The following PSMD3 variants were observed in gnomAD, a reference collection of about 807,000 sequenced individuals.
PSMD3 encodes the protein 26S proteasome non-ATPase regulatory subunit 3.
Under a neutral mutation model 62.8 loss-of-function variants are expected in PSMD3, and 5 were observed. The ratio of observed to expected loss-of-function variants is 0.08; its 90% CI spans 0.04 to 0.17. The LOEUF (loss-of-function observed/expected upper bound fraction) is 0.17. Ranked by LOEUF, PSMD3 falls within the 10% of genes least tolerant of loss-of-function variation. PSMD3 has a pLI of 1.00. For missense variants in PSMD3, 524 were observed against 713.6 expected, an observed-to-expected ratio of 0.73 and a Z score of 3.03; for synonymous variants, 265 against 283.9, an observed-to-expected ratio of 0.93 and a Z score of 0.67.
intron 6 of PSMD3, among the ~76,000 whole-genome samples, chr17:39,991,760 G>T (rs1472046666): frequency 6.6e-6 from 1 of 152,126 alleles, no homozygotes; most frequent in African/African-American, 2.4e-5. Context: ...GAAAAAGTTG[G>T]CTAGGTACAG....
At chr17:39,997,416 C>T in intron 11 of PSMD3, 36 bp downstream of exon 11, 2 of 1,612,908 alleles carry the variant, frequency 1.2e-6, no homozygotes, top group South Asian at 1.1e-5. Flanking sequence ...ACCGAAAGGT[C>T]AAACTTCCAC....
At chr17:39,990,247 TA>T (rs1555658992) in intron 6 of PSMD3, 50 bp downstream of exon 6, 22 of 1,356,394 alleles carry the variant, frequency 1.6e-5, no homozygotes, top group South Asian at 2.5e-5. Context: ...TTTTTTTTTT[TA>T]AATGGTGTCT....
At position 39,997,354 on chromosome 17, in the gene PSMD3, TACA is replaced by T. The variant is rs764279526; in HGVS notation, c.1506_1508del (p.Asn502del). On this transcript the variant is annotated inframe_deletion, in exon 11 of 12. Coordinates refer to ENST00000264639, the MANE Select transcript of PSMD3 (RefSeq NM_002809.4). ...GGCCATGAGGTTTCCTCCCAAATCG[TACA>T]ACAAGGACTTGGAGTCTGCAGAGGT... The T allele has an allele frequency of 3.7e-6, 6 of 1,614,162 alleles. No homozygotes were observed. The highest frequency in any genetic ancestry group is 2.2e-5 in the East Asian group (1 of 44,876).
chr17:39,996,132 A>T lies in PSMD3; in HGVS notation c.1321-51A>T, dbSNP rs765438789. 2 of 1,605,840 alleles carry T rather than the reference A, an allele frequency of 1.2e-6. No individual in the cohort carries two copies. The highest frequency in any genetic ancestry group is 4.5e-5 in the East Asian group (2 of 44,810). On this transcript the variant is annotated intron_variant, in intron 9 of 11. Coordinates refer to ENST00000264639, the MANE Select transcript of PSMD3 (RefSeq NM_002809.4). This position sits in a 1 kb window ranked among gnomAD's most constrained non-coding sequence, Gnocchi z 5.1. Reference sequence around the variant, plus strand: ...CGAGACTCCATCTCAAAAAAAAAAAAAAAGAAGAAGCTGGGTGTGCTGGTG... The same window carrying T: ...CGAGACTCCATCTCAAAAAAAAAAATAAAGAAGAAGCTGGGTGTGCTGGTG...
At chr17:39,984,516 G>A in intron 2 of PSMD3, 32 bp downstream of exon 2, 1 of 1,553,556 alleles carries the variant, frequency 6.4e-7, no homozygotes, top group Non-Finnish European at 8.8e-7. Flanking sequence ...AAAGGGTGCA[G>A]GCCTGGCCTC....
chr17:39,997,630 C>T lies in PSMD3; in HGVS notation c.*49C>T, dbSNP rs926178682. ...GGGGAATGGGGACAGGCTCTTTCCC[C>T]CTTGGGGGTCCCCTGCCCAGGGCAC... On this transcript the variant is annotated 3_prime_UTR_variant, in exon 12 of 12. Coordinates refer to ENST00000264639, the MANE Select transcript of PSMD3 (RefSeq NM_002809.4). 16 of 1,583,858 alleles carry T rather than the reference C, an allele frequency of 1.0e-5. No individual in the cohort carries two copies. The highest frequency in any genetic ancestry group is 1.3e-5 in the African/African-American group (1 of 74,204).
intron 1 of PSMD3, 139 bp from the exon 2 acceptor site, chr17:39,984,155 A>G (rs895791320): frequency 6.7e-5 from 48 of 712,650 alleles, no homozygotes; most frequent in South Asian, 3.7e-4. Flanking sequence ...AGCCGAGATC[A>G]CACCACTGCA....
At position 39,995,116 on chromosome 17, in the gene PSMD3, G is replaced by A. The variant is rs1980751304; in HGVS notation, c.1096+48G>A. On this transcript the variant is annotated intron_variant, in intron 7 of 11. Coordinates refer to ENST00000264639, the MANE Select transcript of PSMD3 (RefSeq NM_002809.4). This position sits in a 1 kb window ranked among gnomAD's most constrained non-coding sequence, Gnocchi z 4.1. ...AGAGCCCACTAGGCCCCCTTCAGTG[G>A]GGCCTCTTACATGCCTGTGCCTATT... 2 of 1,613,710 alleles carry A rather than the reference G, an allele frequency of 1.2e-6. No individual in the cohort carries two copies. The highest frequency in any genetic ancestry group is 8.5e-7 in the Non-Finnish European group (1 of 1,179,902).
rs1384479551 is a variant in PSMD3 at position 39,996,347 on chromosome 17, C to G, written c.1476+9C>G. The G allele has an allele frequency of 6.2e-7, 1 of 1,612,716 alleles. No homozygotes were observed. The highest frequency in any genetic ancestry group is 1.7e-5 in the Admixed American group (1 of 59,904). ...ACAACATGTCTGTCAAGGTGAGAAG[C>G]CCGTGGCTGCAGAGTCACGCCTGGC... On this transcript the variant is annotated intron_variant, in intron 10 of 11. Transcript: ENST00000264639. The surrounding 1 kb of genome is among the most constrained non-coding windows in gnomAD (Gnocchi z 5.1).
At chr17:39,981,847 AC>A (rs1337603809) in intron 1 of PSMD3, among the ~76,000 whole-genome samples, 1 of 37,338 alleles carries the variant, frequency 2.7e-5, no homozygotes, top group African/African-American at 1.7e-4. Context: ...GTAATACTCA[AC>A]CTTTGGCCTA....
intron 1 of PSMD3, among the ~76,000 whole-genome samples, chr17:39,983,279 T>C (rs1980431768): frequency 6.6e-6 from 1 of 152,118 alleles, no homozygotes; most frequent in South Asian, 2.1e-4. Context: ...TGATCCGCCC[T>C]CCTCAGCCTC....
intron 4 of PSMD3, 121 bp downstream of exon 4, chr17:39,988,940 C>T: frequency 1.5e-6 from 2 of 1,340,330 alleles, no homozygotes; most frequent in Non-Finnish European, 2.1e-6. Flanking sequence ...GGAAGAGGGG[C>T]AGTGGTTCCC....
chr17:39,991,401 C>T (rs1980652337), intron 6 of PSMD3, among the ~76,000 whole-genome samples: 1 of 152,184 alleles, frequency 6.6e-6, no homozygotes, highest in South Asian at 2.1e-4. Flanking sequence ...AGTGATCCAC[C>T]CACCTCAGCC....
chr17:39,986,164 T>A (rs892174068), intron 2 of PSMD3, among the ~76,000 whole-genome samples: 2 of 152,216 alleles, frequency 1.3e-5, no homozygotes, highest in Non-Finnish European at 2.9e-5. Flanking sequence ...GGCACACTTA[T>A]GGCCCAGTGC....
chr17:39,990,972 T>A (rs538953213), intron 6 of PSMD3, among the ~76,000 whole-genome samples: 1 of 152,224 alleles, frequency 6.6e-6, no homozygotes, highest in African/African-American at 2.4e-5. Context: ...GATCTTTCTT[T>A]CTTTTCTTTC....
chr17:39,995,340 G>T lies in PSMD3; in HGVS notation c.1216+45G>T. ...GGGCTGTTGGAGGAGCAGAAGCCAGGCCAGGGCAAACCTAGTGGGTATCCT... is the reference window on the plus strand; with the variant it reads ...GGGCTGTTGGAGGAGCAGAAGCCAGTCCAGGGCAAACCTAGTGGGTATCCT... On this transcript the variant is annotated intron_variant, in intron 8 of 11. Coordinates refer to ENST00000264639, the MANE Select transcript of PSMD3 (RefSeq NM_002809.4). The surrounding 1 kb of genome is among the most constrained non-coding windows in gnomAD (Gnocchi z 4.1). The T allele has an allele frequency of 6.2e-7, 1 of 1,614,026 alleles. No individual in the cohort carries two copies. The highest frequency in any genetic ancestry group is 8.5e-7 in the Non-Finnish European group (1 of 1,179,966).
chr17:39,986,568 C>T lies in PSMD3; in HGVS notation c.412-7C>T, dbSNP rs1312559556. 3 of 1,614,064 alleles carry T rather than the reference C, an allele frequency of 1.9e-6. No homozygotes were observed. The highest frequency in any genetic ancestry group is 2.7e-5 in the African/African-American group (2 of 74,916). ...GCTTTTCCATGGTAACTTCTGTCCT[C>T]TCCTAGCCCATGGACACAGAGGCTG... On this transcript the variant is annotated splice_region_variant and splice_polypyrimidine_tract_variant and intron_variant, in intron 2 of 11. Coordinates refer to ENST00000264639, the MANE Select transcript of PSMD3 (RefSeq NM_002809.4).
At position 39,981,051 on chromosome 17, in the gene PSMD3, A is replaced by C. The variant is rs1196400771; in HGVS notation, c.81A>C (p.Pro27=). The C allele has an allele frequency of 6.5e-7, 1 of 1,549,406 alleles. No homozygotes were observed. Among genetic ancestry groups the C allele is most frequent in the South Asian group, 1.2e-5 (1 of 84,002 alleles). ...CCGGCGGAGGAGAACAAGAACCCCC[A>C]CCGCCGCCGGCCCCCCAGGATGTGG... ...PPPGGGEQEP[P]PPPAPQDVEM... Residue 27 remains proline (P), a synonymous_variant, in exon 1 of 12, where the codon CCA becomes CCC. Coordinates refer to ENST00000264639, the MANE Select transcript of PSMD3 (RefSeq NM_002809.4).
rs1410784952 is a variant in PSMD3 at position 39,980,844 on chromosome 17, C to G, written c.-127C>G. ...GCCGGGAAGGGGTTTGCAGCTGCTC[C>G]GTCATCGTGCGGCCCGACGCTATCT... On this transcript the variant is annotated 5_prime_UTR_variant, in exon 1 of 12. Transcript: ENST00000264639. 2.3e-6 allele frequency: 2 copies of G among 858,872 alleles called. No homozygotes were observed. Among genetic ancestry groups the G allele is most frequent in the African/African-American group, 1.8e-5 (1 of 55,120 alleles). The allele number at this position is 858,872 out of a possible 1,614,324, so 53.2% of individuals were successfully genotyped here.
Sources: allele counts gnomAD v4.1 joint callset (sites outside exome capture counted in the v4.1 genomes callset), GRCh38; gene constraint gnomAD v4.1.1; non-coding constraint Gnocchi (gnomAD v3.1); transcripts MANE v1.5; gene names NCBI Gene and HGNC (gene_info 2026-07-23, HGNC 2026-07-21).